SLC6A11: variants seen among roughly 807,000 people sequenced by gnomAD.
SLC6A11 encodes the protein solute carrier family 6 member 11, also known as sodium- and chloride-dependent GABA transporter 3.
A neutral mutation model predicts 74.8 loss-of-function variants in SLC6A11; 25 were observed. That is an observed-to-expected ratio of 0.33 (90% CI 0.24 to 0.47). The LOEUF is 0.47. Among genes scored for constraint, SLC6A11 ranks in the 20% least tolerant of loss-of-function variants. The pLI, the probability that SLC6A11 is intolerant of heterozygous loss-of-function variation, is 1.00. For missense variants in SLC6A11, 574 were observed against 837.0 expected (o/e 0.69, Z 3.88); for synonymous variants, 330 against 330.2 (o/e 1.00, Z 0.01).
chr3:10,903,217 G>A (rs1695262194), intron 6 of SLC6A11, among the ~76,000 whole-genome samples: 1 of 152,208 alleles, frequency 6.6e-6, no homozygotes, highest in Non-Finnish European at 1.5e-5. Context: ...TGGCTTTGGT[G>A]ACAAGCAGAG....
At chr3:10,910,486 G>A (rs1220613147) in intron 6 of SLC6A11, among the ~76,000 whole-genome samples, 1 of 152,180 alleles carries the variant, frequency 6.6e-6, no homozygotes, top group African/African-American at 2.4e-5. Context: ...TGTTCTAATA[G>A]TCAGAGCTCT....
chr3:10,830,215 A>G (rs1057325960), intron 4 of SLC6A11, among the ~76,000 whole-genome samples: 1 of 152,204 alleles, frequency 6.6e-6, no homozygotes, highest in East Asian at 1.9e-4. Context: ...GATAAATAGA[A>G]GTTCATGCGG....
chr3:10,921,823 C>T (rs1695540951), intron 8 of SLC6A11, among the ~76,000 whole-genome samples: 1 of 151,488 alleles, frequency 6.6e-6, no homozygotes, highest in Non-Finnish European at 1.5e-5. Flanking sequence ...AGAAAACTGG[C>T]TTGACTATTA....
At chr3:10,877,521 T>C (rs1694924317) in intron 6 of SLC6A11, among the ~76,000 whole-genome samples, 1 of 152,216 alleles carries the variant, frequency 6.6e-6, no homozygotes, top group Admixed American at 6.5e-5. Flanking sequence ...AGGTTTTTAG[T>C]GAGGGTGTTT....
chr3:10,913,770 T>C (rs918647990), intron 7 of SLC6A11, among the ~76,000 whole-genome samples: 1 of 152,190 alleles, frequency 6.6e-6, no homozygotes, highest in Non-Finnish European at 1.5e-5. Flanking sequence ...CTCGGCTCAC[T>C]ACAAGCTCTG....
intron 5 of SLC6A11, among the ~76,000 whole-genome samples, chr3:10,848,824 C>CA (rs1694538070): frequency 6.6e-6 from 1 of 152,190 alleles, no homozygotes; most frequent in African/African-American, 2.4e-5. Flanking sequence ...TGTAGCCTGT[C>CA]AGAGTTGGGA....
chr3:10,898,886 A>C (rs983042266), intron 6 of SLC6A11, among the ~76,000 whole-genome samples: 3 of 152,212 alleles, frequency 2.0e-5, no homozygotes, highest in East Asian at 3.8e-4. Flanking sequence ...GCAATTTACA[A>C]AAGAAAGAGG....
rs1262076310 is a variant in SLC6A11, at chr3:10,901,348, A to G, written c.892-10742A>G. Among the ~76,000 whole-genome samples the G allele has an allele frequency of 3.3e-5, 5 of 152,044 alleles. No homozygotes were observed. The East Asian group carries it at 9.7e-4, about 29-fold the overall frequency. ...CCTGGGCAAAAGCCCAGCCACAGTG[A>G]CCCTCGTTCCCTGCTCCACACAAAG... On this transcript the variant is annotated intron_variant, in intron 6 of 13. Coordinates refer to ENST00000254488, the MANE Select transcript of SLC6A11 (RefSeq NM_014229.3).
At chr3:10,864,006 C>G (rs1694734868) in intron 5 of SLC6A11, among the ~76,000 whole-genome samples, 1 of 152,038 alleles carries the variant, frequency 6.6e-6, no homozygotes, top group East Asian at 1.9e-4. Context: ...TTTCTGTCTT[C>G]TAGAATTGGA....
At chr3:10,885,779 C>G (rs911005123) in intron 6 of SLC6A11, among the ~76,000 whole-genome samples, 6 of 152,040 alleles carry the variant, frequency 3.9e-5, no homozygotes, top group Admixed American at 3.3e-4. Context: ...CCCCCATCCC[C>G]TTGCCTCCCT....
chr3:10,937,957 A>G (rs1200918689), intron 13 of SLC6A11, among the ~76,000 whole-genome samples: 1 of 152,114 alleles, frequency 6.6e-6, no homozygotes, highest in South Asian at 2.1e-4. Context: ...AGTCCCAGCA[A>G]CCTTTCCTAG....
chr3:10,930,949 C>A (rs966645651), intron 10 of SLC6A11, among the ~76,000 whole-genome samples: 1 of 152,220 alleles, frequency 6.6e-6, no homozygotes, highest in Non-Finnish European at 1.5e-5. Flanking sequence ...TATCTGTCAT[C>A]AGTTGCAGTG....
At chr3:10,902,487 G>A (rs919292918) in intron 6 of SLC6A11, among the ~76,000 whole-genome samples, 8 of 152,312 alleles carry the variant, frequency 5.3e-5, no homozygotes, top group East Asian at 1.9e-4. Context: ...GTTGAGAATC[G>A]TCAGCCACCA....
At chr3:10,844,191 A>T in intron 4 of SLC6A11, 23 bp from the exon 5 acceptor site, 1 of 1,613,446 alleles carries the variant, frequency 6.2e-7, no homozygotes, top group Non-Finnish European at 8.5e-7. Flanking sequence ...AGCCCCAGTG[A>T]CTCTCCACCC....
In SLC6A11 at chr3:10,899,932, T is replaced by C. The variant is rs188139624; in HGVS notation, c.892-12158T>C. ...ACCCTGTTATAAAGCCTGGGATGGC[T>C]GGGCTGGATGATTCTCTCTTGCAGG... is the stretch of plus-strand genomic sequence containing the variant. On this transcript the variant is annotated intron_variant, in intron 6 of 13. Coordinates refer to ENST00000254488, the MANE Select transcript of SLC6A11 (RefSeq NM_014229.3). 2.0e-5 allele frequency among the ~76,000 whole-genome samples: 3 copies of C among 152,310 alleles called. No individual in the cohort carries two copies. In the East Asian group the frequency reaches 5.8e-4, roughly 29 times the overall value.
chr3:10,864,608 C>T (rs550519309), intron 5 of SLC6A11, among the ~76,000 whole-genome samples: 2 of 152,112 alleles, frequency 1.3e-5, no homozygotes, highest in African/African-American at 2.4e-5. Context: ...TTCCCTTCAA[C>T]TCAGCTTTGA....
chr3:10,817,552 ATATTC>A (rs1214863538), intron 1 of SLC6A11, among the ~76,000 whole-genome samples: 4 of 152,174 alleles, frequency 2.6e-5, no homozygotes, highest in African/African-American at 9.7e-5. Flanking sequence ...CTGTATCTGT[ATATTC>A]TCTCTTCTCT....
chr3:10,822,610 GCCT>G (rs1385150375), intron 3 of SLC6A11, among the ~76,000 whole-genome samples: 3 of 152,138 alleles, frequency 2.0e-5, no homozygotes, highest in African/African-American at 7.2e-5. Flanking sequence ...GTTGGGGAAG[GCCT>G]CCTGGAGATG....
intron 7 of SLC6A11, among the ~76,000 whole-genome samples, chr3:10,912,463 G>A (rs1695400044): frequency 2.0e-5 from 3 of 152,318 alleles, no homozygotes; most frequent in African/African-American, 4.8e-5. Flanking sequence ...ACCTCGTATG[G>A]TAAAGACGTA....
Sources: gnomAD v4.1 joint callset for allele counts (sites outside exome capture counted in the v4.1 genomes callset) on GRCh38, gnomAD v4.1.1 for gene constraint, MANE v1.5 for transcripts, NCBI Gene and HGNC (gene_info 2026-07-23, HGNC 2026-07-21) for gene names.